ROBO1: variants seen among roughly 807,000 people sequenced by gnomAD.
The protein encoded by ROBO1 is roundabout homolog 1.
Under a neutral mutation model 195.9 loss-of-function variants are expected in ROBO1, and 149 were observed. The ratio of observed to expected loss-of-function variants is 0.76; its 90% CI spans 0.67 to 0.87. The LOEUF (loss-of-function observed/expected upper bound fraction) is 0.87, where lower values mean the gene tolerates loss of function less well. ROBO1 is among the 40% of genes least tolerant of loss of function. The pLI, the probability that ROBO1 is intolerant of heterozygous loss-of-function variation, is 0.00. For synonymous variants in ROBO1, 816 were observed against 733.2 expected, an observed-to-expected ratio of 1.11 and a Z score of -1.82; for missense variants, 1,933 against 2,068.3, an observed-to-expected ratio of 0.93 and a Z score of 1.27.
intron 10 of ROBO1, among the ~76,000 whole-genome samples, chr3:78,675,743 CA>C (rs1389805864): frequency 6.6e-5 from 10 of 152,136 alleles, no homozygotes; most frequent in Admixed American, 6.5e-4. Context: ...CCTCTGGGGG[CA>C]GGGCATAGAC....
chr3:79,629,040 T>C (rs1945263725), intron 1 of ROBO1, among the ~76,000 whole-genome samples: 1 of 152,124 alleles, frequency 6.6e-6, no homozygotes, highest in Non-Finnish European at 1.5e-5. Context: ...TATGGCAATA[T>C]AGTAGTAGTG....
intron 1 of ROBO1, among the ~76,000 whole-genome samples, chr3:79,655,511 T>C (rs1946132313): frequency 6.6e-6 from 1 of 152,094 alleles, no homozygotes. Flanking sequence ...ATCAAATCTA[T>C]CAATTTTTAG....
At chr3:78,773,486 C>T (rs1210555888) in intron 4 of ROBO1, among the ~76,000 whole-genome samples, 1 of 151,958 alleles carries the variant, frequency 6.6e-6, no homozygotes, top group African/African-American at 2.4e-5. Context: ...AAACTGTTGC[C>T]TAAAAGAGAT....
rs147698002 is a variant in ROBO1 at position 79,306,489 on chromosome 3, G to T, written c.89-180950C>A. ...TCTTTATTTGTGATCGGCCCTAACTGCCCTGGCAATCTTTTCCGTTTTTTT... is the reference window on the plus strand; with the variant it reads ...TCTTTATTTGTGATCGGCCCTAACTTCCCTGGCAATCTTTTCCGTTTTTTT... On this transcript the variant is annotated intron_variant, in intron 2 of 30. Transcript: ENST00000464233. Among the ~76,000 whole-genome samples, 690 of 152,296 alleles carry T rather than the reference G, an allele frequency of 4.5e-3. 7 individuals carry two copies. Among genetic ancestry groups the T allele is most frequent in the Non-Finnish European group, 6.2e-3 (422 of 68,026 alleles).
chr3:78,790,887 G>A (rs983232864), intron 4 of ROBO1, among the ~76,000 whole-genome samples: 3 of 152,130 alleles, frequency 2.0e-5, no homozygotes, highest in Admixed American at 1.3e-4. Context: ...GGATGGGGCA[G>A]GGAAGGAAAA....
At position 78,864,055 on chromosome 3, in the gene ROBO1, T is replaced by C. The variant is rs189327617; in HGVS notation, c.499+74546A>G. 1.3e-3 allele frequency among the ~76,000 whole-genome samples: 205 copies of C among 152,332 alleles called. No individual in the cohort carries two copies. The South Asian group carries it at 0.014, about 10-fold the overall frequency. On this transcript the variant is annotated intron_variant, in intron 4 of 30. Coordinates refer to ENST00000464233, the MANE Select transcript of ROBO1 (RefSeq NM_002941.4). The stretch of plus-strand genomic sequence containing the variant: ...GCTTGCTTGCTGCTTTCTATGCTAT[T>C]TACGTAGTTCACAATTACATTTACT...
Position 78,688,755 on chromosome 3 carries a change from C to A in ROBO1, c.1063G>T (p.Val355Leu), listed in dbSNP as rs747814171. ...GCAACAACCTGGTCACGGGGTTTCACAACAAAATGTGGAGGTTCTGAAGGA... is the reference window on the plus strand; with the variant it reads ...GCAACAACCTGGTCACGGGGTTTCAAAACAAAATGTGGAGGTTCTGAAGGA... ...LTVQEPPHFV[V>L]KPRDQVVALG... Residue 355 changes from valine to leucine, a missense_variant, in exon 9 of 31, where the codon GTG becomes TTG. Physicochemically the swap from Val to Leu is conservative, Grantham distance 32 (BLOSUM62 1). Transcript: ENST00000464233. 2.5e-5 allele frequency: 40 copies of A among 1,608,746 alleles called. No individual in the cohort carries two copies. Among genetic ancestry groups the A allele is most frequent in the Admixed American group, 1.0e-4 (6 of 59,382 alleles).
At chr3:79,625,016 A>T (rs1453888431) in intron 1 of ROBO1, among the ~76,000 whole-genome samples, 1 of 152,200 alleles carries the variant, frequency 6.6e-6, no homozygotes, top group African/African-American at 2.4e-5. Flanking sequence ...ACCACAGTGC[A>T]ATCAAGTTAG....
chr3:78,714,570 G>C lies in ROBO1; in HGVS notation c.918-46C>G, dbSNP rs565116914. 117 of 1,562,950 alleles carry C rather than the reference G, an allele frequency of 7.5e-5. 2 individuals are homozygous for C. In the South Asian group the frequency reaches 1.3e-3, roughly 18 times the overall value. ...AGCACAGTTAAGTGACTTTCTACTTGAAAGATCTCATTATTATACACACAA... is the reference window on the plus strand; with the variant it reads ...AGCACAGTTAAGTGACTTTCTACTTCAAAGATCTCATTATTATACACACAA... On this transcript the variant is annotated intron_variant, in intron 7 of 30. Transcript: ENST00000464233.
At position 79,271,184 on chromosome 3, in the gene ROBO1, C is replaced by A. The variant is rs558119376; in HGVS notation, c.89-145645G>T. ...GTGTCATGCAATCTTTACTTCTTCT[C>A]ATCTCTGAAGACATATCAACATGGA... On this transcript the variant is annotated intron_variant, in intron 2 of 30. Coordinates refer to ENST00000464233, the MANE Select transcript of ROBO1 (RefSeq NM_002941.4). 2.0e-5 allele frequency among the ~76,000 whole-genome samples: 3 copies of A among 152,072 alleles called. No homozygotes were observed. In the South Asian group the frequency reaches 6.2e-4, roughly 31 times the overall value.
intron 2 of ROBO1, among the ~76,000 whole-genome samples, chr3:79,498,756 A>T (rs1403996776): frequency 5.9e-5 from 9 of 151,886 alleles, no homozygotes; most frequent in African/African-American, 2.2e-4. Context: ...CGGGAGGCTG[A>T]GGCAGGAGAA....
intron 3 of ROBO1, among the ~76,000 whole-genome samples, chr3:79,024,643 A>G (rs6548608): frequency 0.98 from 148,598 of 152,242 alleles, 72,591 homozygotes; most frequent in East Asian, 1. Flanking sequence ...TTTAATATGC[A>G]GATGAGCATT....
At chr3:79,552,040 G>GA (rs201368854) in intron 2 of ROBO1, among the ~76,000 whole-genome samples, 2,532 of 78,494 alleles carry the variant, frequency 0.032, 104 homozygotes, top group African/African-American at 0.11. Flanking sequence ...TTTGCTACAG[G>GA]AAAAAAAAAA....
At chr3:78,925,820 A>C (rs1433529009) in intron 4 of ROBO1, among the ~76,000 whole-genome samples, 1 of 151,964 alleles carries the variant, frequency 6.6e-6, no homozygotes, top group Non-Finnish European at 1.5e-5. Flanking sequence ...AGTGGGGATA[A>C]AGAAAAAGAG....
At chr3:79,029,428 A>C (rs1278667986) in intron 3 of ROBO1, among the ~76,000 whole-genome samples, 1 of 152,096 alleles carries the variant, frequency 6.6e-6, no homozygotes, top group African/African-American at 2.4e-5. Flanking sequence ...AATAATGGTG[A>C]ATATTTATCA....
intron 2 of ROBO1, among the ~76,000 whole-genome samples, chr3:79,226,248 C>T (rs1185983996): frequency 1.3e-5 from 2 of 152,098 alleles, no homozygotes; most frequent in Non-Finnish European, 2.9e-5. Context: ...AAATTACCTG[C>T]TTTCTTTAGC....
At chr3:79,699,361 G>A (rs919277686) in intron 1 of ROBO1, among the ~76,000 whole-genome samples, 31 of 151,450 alleles carry the variant, frequency 2.0e-4, no homozygotes, top group African/African-American at 6.5e-4. Context: ...TGATTTGTGC[G>A]CCTTCCAGGT....
intron 2 of ROBO1, among the ~76,000 whole-genome samples, chr3:79,335,119 C>CA (rs1483947977): frequency 6.6e-6 from 1 of 151,760 alleles, no homozygotes; most frequent in African/African-American, 2.4e-5. Flanking sequence ...TCCATAAAAA[C>CA]AAAAAACAAA....
chr3:79,499,340 A>G (rs1939929694), intron 2 of ROBO1, among the ~76,000 whole-genome samples: 1 of 152,338 alleles, frequency 6.6e-6, no homozygotes, highest in East Asian at 1.9e-4. Context: ...AGTCTATCAG[A>G]AATTATAAAG....
Sources: gnomAD v4.1 joint callset for allele counts (sites outside exome capture counted in the v4.1 genomes callset) on GRCh38, gnomAD v4.1.1 for gene constraint, MANE v1.5 for transcripts, NCBI Gene and HGNC (gene_info 2026-07-23, HGNC 2026-07-21) for gene names.